Variants in LMX1A observed in about 807,000 individuals in gnomAD.
LMX1A encodes the protein LIM homeobox transcription factor 1 alpha.
LMX1A carries 15 observed loss-of-function variants against 49.1 expected under a neutral mutation model. The ratio of observed to expected loss-of-function variants is 0.31; its 90% confidence interval spans 0.20 to 0.47. The LOEUF (loss-of-function observed/expected upper bound fraction) is 0.47, where lower values mean the gene tolerates loss of function less well. Ranked by LOEUF, LMX1A falls within the 20% of genes least tolerant of loss-of-function variation. LMX1A has a pLI of 1.00. For missense variants in LMX1A, 372 were observed against 475.8 expected (o/e 0.78, Z 2.03); for synonymous variants, 167 against 185.7 (o/e 0.90, Z 0.82).
intron 3 of LMX1A, among the ~76,000 whole-genome samples, chr1:165,299,293 T>C (rs995036748): frequency 3.3e-5 from 5 of 152,232 alleles, no homozygotes; most frequent in Admixed American, 6.5e-5. Flanking sequence ...GAGGCTTCAA[T>C]AAGCAGCTAA....
chr1:165,311,944 G>GC (rs1319637780), intron 3 of LMX1A, among the ~76,000 whole-genome samples: 1 of 152,184 alleles, frequency 6.6e-6, no homozygotes, highest in African/African-American at 2.4e-5. Context: ...AACTCCTAGT[G>GC]CCACCATGGC....
At chr1:165,219,761 A>C (rs1651770580) in intron 4 of LMX1A, among the ~76,000 whole-genome samples, 1 of 152,178 alleles carries the variant, frequency 6.6e-6, no homozygotes. Flanking sequence ...TTACTCTTAC[A>C]CTTAGCACTT....
At chr1:165,337,872 CTG>C (rs1399376247) in intron 3 of LMX1A, among the ~76,000 whole-genome samples, 26 of 58,316 alleles carry the variant, frequency 4.5e-4, no homozygotes, top group African/African-American at 2.6e-3. Context: ...GTCTGTGCAT[CTG>C]TGTGTGTGTG....
At chr1:165,307,809 A>G (rs879826481) in intron 3 of LMX1A, among the ~76,000 whole-genome samples, 1 of 152,258 alleles carries the variant, frequency 6.6e-6, no homozygotes, top group African/African-American at 2.4e-5. Context: ...CATGACCGTC[A>G]CTTGACCATA....
intron 4 of LMX1A, among the ~76,000 whole-genome samples, chr1:165,229,914 G>C (rs1652181368): frequency 6.6e-6 from 1 of 152,156 alleles, no homozygotes; most frequent in Non-Finnish European, 1.5e-5. Flanking sequence ...GAAGGTTTGT[G>C]TCTCCCTGAA....
At chr1:165,274,690 T>G (rs2101699171) in intron 3 of LMX1A, among the ~76,000 whole-genome samples, 1 of 152,316 alleles carries the variant, frequency 6.6e-6, no homozygotes, top group East Asian at 1.9e-4. Context: ...GCCTCAGGGC[T>G]GCTATGTCCC....
At chr1:165,279,345 T>C (rs1654071780) in intron 3 of LMX1A, among the ~76,000 whole-genome samples, 1 of 152,234 alleles carries the variant, frequency 6.6e-6, no homozygotes, top group African/African-American at 2.4e-5. Flanking sequence ...CAGATGACCT[T>C]GGAAGAAGCA....
chr1:165,353,952 T>G, intron 2 of LMX1A, among the ~76,000 whole-genome samples: 1 of 152,144 alleles, frequency 6.6e-6, no homozygotes, highest in East Asian at 1.9e-4. Context: ...CGGCCGGGAT[T>G]CCCGATGCCA....
chr1:165,265,072 C>T (rs564590182), intron 3 of LMX1A, among the ~76,000 whole-genome samples: 4 of 151,854 alleles, frequency 2.6e-5, no homozygotes, highest in African/African-American at 4.8e-5. Context: ...GGCATGGTGG[C>T]GGGCACCTGT....
intron 3 of LMX1A, among the ~76,000 whole-genome samples, chr1:165,281,643 CAGG>C: frequency 6.6e-6 from 1 of 152,216 alleles, no homozygotes; most frequent in Non-Finnish European, 1.5e-5. Flanking sequence ...CAACTGTATG[CAGG>C]AGATCAATGT....
intron 4 of LMX1A, among the ~76,000 whole-genome samples, chr1:165,248,705 A>T (rs1040765656): frequency 6.6e-6 from 1 of 152,120 alleles, no homozygotes; most frequent in Non-Finnish European, 1.5e-5. Context: ...CATCTTTCCC[A>T]CTTGACAAAT....
rs76837030 is a variant in LMX1A at position 165,233,622 on chromosome 1, G to A, written c.496+15786C>T. Among the ~76,000 whole-genome samples the A allele has an allele frequency of 1.8e-4, 28 of 152,216 alleles. No individual in the cohort carries two copies. The East Asian group carries it at 4.4e-3, about 24-fold the overall frequency. On this transcript the variant is annotated intron_variant, in intron 4 of 8. Coordinates refer to ENST00000342310, the MANE Select transcript of LMX1A (RefSeq NM_177398.4). Reference sequence around the variant, plus strand: ...CCTTCAAACTCAGCATGCCCCACCCGAATTTTATCTAGATCCCTGGTTCTT... The same window carrying A: ...CCTTCAAACTCAGCATGCCCCACCCAAATTTTATCTAGATCCCTGGTTCTT...
At chr1:165,295,578 G>A (rs906309424) in intron 3 of LMX1A, among the ~76,000 whole-genome samples, 1 of 151,820 alleles carries the variant, frequency 6.6e-6, no homozygotes, top group Admixed American at 6.6e-5. Flanking sequence ...CAAGGAAAAG[G>A]CATCTGTGTC....
chr1:165,338,828 C>A (rs1571231227), intron 3 of LMX1A, among the ~76,000 whole-genome samples: 1 of 152,190 alleles, frequency 6.6e-6, no homozygotes. Context: ...GTTTAATTCC[C>A]TTCTAAGCTC....
chr1:165,205,118 AATCT>A (rs1458482373), intron 8 of LMX1A, among the ~76,000 whole-genome samples: 1 of 152,208 alleles, frequency 6.6e-6, no homozygotes, highest in Non-Finnish European at 1.5e-5. Context: ...CTATCAGTGT[AATCT>A]ATCAGATTAC....
At chr1:165,305,711 A>G (rs1654902453) in intron 3 of LMX1A, among the ~76,000 whole-genome samples, 1 of 152,194 alleles carries the variant, frequency 6.6e-6, no homozygotes, top group Admixed American at 6.5e-5. Flanking sequence ...GCAGTATCCA[A>G]CTTGAATCTG....
chr1:165,308,294 T>A (rs931439020), intron 3 of LMX1A, among the ~76,000 whole-genome samples: 2 of 152,192 alleles, frequency 1.3e-5, no homozygotes, highest in Non-Finnish European at 2.9e-5. Flanking sequence ...ACACCTTCCA[T>A]ACAAGCTTTG....
Position 165,210,723 on chromosome 1 carries a change from C to T in LMX1A, c.723G>A (p.Val241=), listed in dbSNP as rs1281629745. Residue 241 remains valine, a synonymous_variant, in exon 6 of 9, where the codon GTG becomes GTA. Coordinates refer to ENST00000342310, the MANE Select transcript of LMX1A (RefSeq NM_177398.4). ...ETGLSVRVVQ[V]WFQNQRAKMK... The stretch of plus-strand genomic sequence containing the variant: ...CCTTCGCTCTCTGGTTTTGGAACCA[C>T]ACCTGGACGACACGGACACTCAGCC... 3.1e-6 allele frequency: 5 copies of T among 1,613,922 alleles called. No homozygotes were observed. The highest frequency in any genetic ancestry group is 3.4e-6 in the Non-Finnish European group (4 of 1,179,944).
At chr1:165,238,261 C>T (rs1182047433) in intron 4 of LMX1A, among the ~76,000 whole-genome samples, 1 of 152,186 alleles carries the variant, frequency 6.6e-6, no homozygotes, top group East Asian at 1.9e-4. Context: ...CACTGTCGTG[C>T]TTTTATTCAT....
Sources: allele counts gnomAD v4.1 joint callset (sites outside exome capture counted in the v4.1 genomes callset), GRCh38; gene constraint gnomAD v4.1.1; transcripts MANE v1.5; gene names NCBI Gene and HGNC (gene_info 2026-07-23, HGNC 2026-07-21).